Variants in TRPC5 observed in about 807,000 individuals in gnomAD.
TRPC5 encodes the protein short transient receptor potential channel 5.
TRPC5 carries 9 observed loss-of-function variants against 56.5 expected under a neutral mutation model. The observed-to-expected ratio is 0.16, with a 90% confidence interval of 0.10 to 0.28. TRPC5 has a LOEUF of 0.28. Among genes scored for constraint, TRPC5 ranks in the 10% least tolerant of loss-of-function variants. TRPC5 has a pLI of 1.00. For synonymous variants in TRPC5, 282 were observed against 278.5 expected, an observed-to-expected ratio of 1.01 and a Z score of -0.13; for missense variants, 469 against 748.9, an observed-to-expected ratio of 0.63 and a Z score of 4.36.
chrX:111,796,211 A>C (rs770014917), intron 7 of TRPC5, among the ~76,000 whole-genome samples: 1 of 111,617 alleles, frequency 9.0e-6, no homozygotes, highest in African/African-American at 3.3e-5. Context: ...TTGTTGAAAA[A>C]TTCTCATAGT....
intron 3 of TRPC5, among the ~76,000 whole-genome samples, chrX:111,869,554 G>A (rs1489124403): frequency 8.9e-6 from 1 of 112,188 alleles, no homozygotes; most frequent in Non-Finnish European, 1.9e-5. Context: ...GGTGAGGCTA[G>A]GTTGAAGGAG....
intron 9 of TRPC5, 159 bp downstream of exon 9, chrX:111,781,006 T>C: frequency 1.8e-6 from 1 of 561,906 alleles, no homozygotes; most frequent in Admixed American, 2.4e-5. Flanking sequence ...GTGATTCCAC[T>C]TGGAGAAGGT....
intron 7 of TRPC5, among the ~76,000 whole-genome samples, chrX:111,811,408 C>T (rs1010348449): frequency 6.2e-5 from 7 of 112,784 alleles, no homozygotes; most frequent in Admixed American, 4.7e-4. Context: ...TACGTGCACA[C>T]GCTTGCGCGT....
chrX:111,780,040 C>T (rs1446990473), intron 9 of TRPC5, among the ~76,000 whole-genome samples: 3 of 111,787 alleles, frequency 2.7e-5, no homozygotes, highest in Admixed American at 9.5e-5. Flanking sequence ...ATATTTTCTG[C>T]TTCTCTTTGT....
At chrX:112,038,642 A>G (rs1461509454) in intron 1 of TRPC5, among the ~76,000 whole-genome samples, 2 of 111,720 alleles carry the variant, frequency 1.8e-5, no homozygotes, top group Non-Finnish European at 3.8e-5. Flanking sequence ...GCAAATGTAT[A>G]TAGATTCTGA....
chrX:111,859,271 A>T (rs1569526689), intron 3 of TRPC5, among the ~76,000 whole-genome samples: 1 of 111,971 alleles, frequency 8.9e-6, no homozygotes, highest in Non-Finnish European at 1.9e-5. Flanking sequence ...TATAATTTAA[A>T]CTGTAGAAGA....
At chrX:111,813,918 G>A (rs1376454631) in intron 7 of TRPC5, among the ~76,000 whole-genome samples, 3 of 112,194 alleles carry the variant, frequency 2.7e-5, no homozygotes, top group African/African-American at 9.7e-5. Context: ...GACAAGGGAA[G>A]TCTACCTCAC....
At chrX:112,049,185 C>T (rs986443672) in intron 1 of TRPC5, among the ~76,000 whole-genome samples, 1 of 111,552 alleles carries the variant, frequency 9.0e-6, no homozygotes, top group Non-Finnish European at 1.9e-5. Context: ...ACTGCTCTTC[C>T]TTTGTGAATT....
chrX:111,851,390 A>T (rs1310308871), intron 5 of TRPC5, among the ~76,000 whole-genome samples: 2 of 111,470 alleles, frequency 1.8e-5, no homozygotes, highest in African/African-American at 6.5e-5. Context: ...CAGCAATCCC[A>T]TTATTTAATA....
At chrX:111,946,778 C>T (rs1374220473) in intron 2 of TRPC5, among the ~76,000 whole-genome samples, 2 of 112,173 alleles carry the variant, frequency 1.8e-5, no homozygotes, top group Non-Finnish European at 3.8e-5. Context: ...GAGATTTTTG[C>T]CTCACATTTG....
At chrX:112,044,252 T>C (rs751030753) in intron 1 of TRPC5, among the ~76,000 whole-genome samples, 267 of 112,152 alleles carry the variant, frequency 2.4e-3, no homozygotes, top group African/African-American at 8.2e-3. Flanking sequence ...CTGGGTCTCC[T>C]GAAGGTTGAA....
At position 111,993,092 on chromosome X, in the gene TRPC5, T is replaced by C. The variant is rs746917187; in HGVS notation, c.-21-40651A>G. Among the ~76,000 whole-genome samples the C allele has an allele frequency of 6.0e-3, 553 of 91,891 alleles. 5 individuals are homozygous for C. The highest frequency in any genetic ancestry group is 0.021 in the African/African-American group (535 of 25,047). 79.8% of individuals were successfully genotyped at this position (91,891 alleles called of 115,157 possible). ...ACAGGCCCCGGCGTGTGATGTTCCATGCCCTGTGTCCAAGTGATCTCATTG... is the reference window on the plus strand; with the variant it reads ...ACAGGCCCCGGCGTGTGATGTTCCACGCCCTGTGTCCAAGTGATCTCATTG... On this transcript the variant is annotated intron_variant, in intron 1 of 10. Coordinates refer to ENST00000262839, the MANE Select transcript of TRPC5 (RefSeq NM_012471.3).
intron 3 of TRPC5, chrX:111,903,989 A>G (rs1286211096): frequency 8.9e-6 from 1 of 112,274 alleles, no homozygotes; most frequent in Admixed American, 9.4e-5. Flanking sequence ...AAATCAAAAA[A>G]ACGTGTGGTC....
intron 7 of TRPC5, among the ~76,000 whole-genome samples, chrX:111,797,245 A>G (rs1410403252): frequency 1.8e-5 from 2 of 112,291 alleles, no homozygotes; most frequent in Non-Finnish European, 3.8e-5. Flanking sequence ...GAATAAAGTT[A>G]ATGGAGTCAA....
At chrX:111,877,056 C>A (rs1322454580) in intron 3 of TRPC5, among the ~76,000 whole-genome samples, 1 of 111,220 alleles carries the variant, frequency 9.0e-6, no homozygotes, top group African/African-American at 3.3e-5. Context: ...TCAGAATGAT[C>A]AATCTTTGCA....
intron 1 of TRPC5, among the ~76,000 whole-genome samples, chrX:112,034,128 G>T (rs1929661294): frequency 1.8e-5 from 2 of 111,121 alleles, no homozygotes; most frequent in African/African-American, 6.5e-5. Context: ...CTTGCAATTT[G>T]ATATGAATTT....
At chrX:111,898,644 T>C (rs937899313) in intron 3 of TRPC5, among the ~76,000 whole-genome samples, 1 of 110,729 alleles carries the variant, frequency 9.0e-6, no homozygotes, top group African/African-American at 3.3e-5. Flanking sequence ...CTTAGTCTCA[T>C]GACAATTACA....
intron 1 of TRPC5, among the ~76,000 whole-genome samples, chrX:111,981,184 A>G (rs919645957): frequency 2.0e-4 from 22 of 110,080 alleles, no homozygotes; most frequent in African/African-American, 7.3e-4. Context: ...CTGAGAACCA[A>G]GAGAGCTGAT....
At chrX:111,958,486 T>C (rs1983455172) in intron 1 of TRPC5, among the ~76,000 whole-genome samples, 1 of 112,212 alleles carries the variant, frequency 8.9e-6, no homozygotes, top group East Asian at 2.8e-4. Context: ...CCAATAAATA[T>C]GTATTGAATT....
Sources: allele counts gnomAD v4.1 joint callset (sites outside exome capture counted in the v4.1 genomes callset), GRCh38; gene constraint gnomAD v4.1.1; transcripts MANE v1.5; gene names NCBI Gene and HGNC (gene_info 2026-07-23, HGNC 2026-07-21).